Variants in ICA1 observed in about 807,000 individuals in gnomAD.
ICA1 encodes islet cell autoantigen 1.
ICA1 carries 40 observed loss-of-function variants against 71.0 expected under a neutral mutation model. That is an observed-to-expected ratio of 0.56 (90% CI 0.44 to 0.73). The LOEUF is 0.73. ICA1 is among the 30% of genes least tolerant of loss of function. The probability of loss-of-function intolerance (pLI) is 0.00; values close to 1 mark genes in which losing one functional copy is unlikely to be tolerated. For synonymous variants in ICA1, 207 were observed against 209.5 expected (o/e 0.99, Z 0.10); for missense variants, 578 against 576.5 (o/e 1.00, Z -0.03).
At chr7:8,165,405 G>A (rs1359189765) in intron 6 of ICA1, among the ~76,000 whole-genome samples, 1 of 152,132 alleles carries the variant, frequency 6.6e-6, no homozygotes, top group African/African-American at 2.4e-5. Flanking sequence ...TCCCCTCAAC[G>A]ATATCCTTAC....
intron 12 of ICA1, among the ~76,000 whole-genome samples, chr7:8,136,532 C>T (rs149437232): frequency 5.5e-4 from 84 of 152,256 alleles, no homozygotes; most frequent in Middle Eastern, 3.4e-3. Context: ...CTACCGACCA[C>T]GTTAATATTT....
chr7:8,167,169 C>T (rs1284581278), intron 6 of ICA1, among the ~76,000 whole-genome samples: 1 of 152,172 alleles, frequency 6.6e-6, no homozygotes, highest in Non-Finnish European at 1.5e-5. Context: ...AAGACACATG[C>T]ACACATGTGC....
chr7:8,218,478 G>C lies in ICA1; in HGVS notation c.406C>G (p.Arg136Gly). ...QRLALRNPLC[R>G]FHQEVETFRH... ...AAAGTCTCCACTTCTTGGTGAAATC[G>C]ACACAAAGGATTTCGTAAGGCCAAC... is the stretch of plus-strand genomic sequence containing the variant. Residue 136 changes from arginine to glycine, a missense_variant, in exon 6 of 14, where the codon CGA becomes GGA. Physicochemically the swap from Arg to Gly is moderately radical, Grantham distance 125. Coordinates refer to ENST00000402384, the MANE Select transcript of ICA1 (RefSeq NM_001136020.3). 6.2e-7 allele frequency: 1 copy of C among 1,614,012 alleles called. No individual in the cohort carries two copies. The highest frequency in any genetic ancestry group is 8.5e-7 in the Non-Finnish European group (1 of 1,179,964).
intron 12 of ICA1, among the ~76,000 whole-genome samples, chr7:8,136,927 A>G (rs571785185): frequency 2.4e-4 from 37 of 152,368 alleles, no homozygotes; most frequent in African/African-American, 7.7e-4. Flanking sequence ...AAGTTTATAA[A>G]AGTAAGCATC....
intron 1 of ICA1, among the ~76,000 whole-genome samples, chr7:8,250,210 A>T (rs1675436793): frequency 6.6e-6 from 1 of 152,202 alleles, no homozygotes; most frequent in Non-Finnish European, 1.5e-5. Flanking sequence ...ACTTCCTCTT[A>T]TGTCAATAAT....
At chr7:8,219,439 A>G (rs1222599719) in intron 5 of ICA1, among the ~76,000 whole-genome samples, 1 of 152,244 alleles carries the variant, frequency 6.6e-6, no homozygotes, top group Non-Finnish European at 1.5e-5. Flanking sequence ...AAATTCCATC[A>G]ACGTCTGCAA....
At chr7:8,167,214 G>A (rs189662106) in intron 6 of ICA1, among the ~76,000 whole-genome samples, 302 of 152,264 alleles carry the variant, frequency 2.0e-3, no homozygotes, top group Middle Eastern at 3.4e-3. Flanking sequence ...CAAAGATATG[G>A]AATCAACCTA....
intron 4 of ICA1, among the ~76,000 whole-genome samples, chr7:8,221,735 A>G (rs952204393): frequency 6.6e-6 from 1 of 152,194 alleles, no homozygotes; most frequent in African/African-American, 2.4e-5. Flanking sequence ...GTCAAGTATG[A>G]CTGTGGGAAT....
chr7:8,157,489 C>G (rs1349912341), intron 7 of ICA1: 1 of 418,558 alleles, frequency 2.4e-6, no homozygotes, highest in African/African-American at 2.0e-5. Flanking sequence ...ATCCATCCTC[C>G]AAAACCCAGG....
chr7:8,149,424 C>G (rs1798078096), intron 8 of ICA1, among the ~76,000 whole-genome samples: 1 of 152,216 alleles, frequency 6.6e-6, no homozygotes. Context: ...TAAATGGTTT[C>G]AGGAAGCACA....
chr7:8,164,980 G>A (rs1805362109), intron 6 of ICA1, among the ~76,000 whole-genome samples: 1 of 152,176 alleles, frequency 6.6e-6, no homozygotes, highest in Non-Finnish European at 1.5e-5. Flanking sequence ...AGAGAGTTAA[G>A]GTGGGAGGAT....
intron 6 of ICA1, among the ~76,000 whole-genome samples, chr7:8,172,916 G>T (rs1339091890): frequency 2.6e-5 from 4 of 152,076 alleles, no homozygotes; most frequent in African/African-American, 9.7e-5. Context: ...AATATAACTA[G>T]CACACATTTG....
intron 6 of ICA1, among the ~76,000 whole-genome samples, chr7:8,181,268 T>C (rs1477746478): frequency 6.6e-6 from 1 of 152,174 alleles, no homozygotes; most frequent in Admixed American, 6.5e-5. Context: ...GTAATGCTGT[T>C]AACATAAATC....
At chr7:8,115,165 T>C (rs1047819665) in intron 13 of ICA1, among the ~76,000 whole-genome samples, 1 of 152,216 alleles carries the variant, frequency 6.6e-6, no homozygotes, top group Non-Finnish European at 1.5e-5. Flanking sequence ...TTTGTAGATA[T>C]TAATGTATCT....
Position 8,223,090 on chromosome 7 carries a change from C to A in ICA1, c.257-1692G>T, listed in dbSNP as rs1181331027. On this transcript the variant is annotated intron_variant, in intron 4 of 13. Transcript: ENST00000402384. The surrounding 1 kb of genome is among the most constrained non-coding windows in gnomAD (Gnocchi z 4.1). ...TGGTTCTATGTAGCTTTTTAAAATTCCTATAATTATAAGAAGGTTTTTTGT... is the reference window on the plus strand; with the variant it reads ...TGGTTCTATGTAGCTTTTTAAAATTACTATAATTATAAGAAGGTTTTTTGT... Among the ~76,000 whole-genome samples, 1 of 152,022 alleles carries A rather than the reference C, an allele frequency of 6.6e-6. No homozygotes were observed.
intron 6 of ICA1, among the ~76,000 whole-genome samples, chr7:8,178,264 C>T (rs1781188996): frequency 1.3e-5 from 2 of 152,220 alleles, no homozygotes; most frequent in African/African-American, 2.4e-5. Context: ...ATCTTGATTC[C>T]CAAAGTCTGA....
rs202240870 is a variant in ICA1, at chr7:8,223,091, CTATAAT to C, written c.257-1699_257-1694del. 9.3e-3 allele frequency among the ~76,000 whole-genome samples: 1,414 copies of C among 152,242 alleles called. 17 individuals are homozygous for C. Among genetic ancestry groups the C allele is most frequent in the African/African-American group, 0.03 (1,265 of 41,546 alleles). On this transcript the variant is annotated intron_variant, in intron 4 of 13. Coordinates refer to ENST00000402384, the MANE Select transcript of ICA1 (RefSeq NM_001136020.3). This position sits in a 1 kb window ranked among gnomAD's most constrained non-coding sequence, Gnocchi z 4.1. ...GGTTCTATGTAGCTTTTTAAAATTC[CTATAAT>C]TATAAGAAGGTTTTTTGTTTTTTAA...
chr7:8,239,118 C>G (rs1194350001), intron 1 of ICA1, among the ~76,000 whole-genome samples: 3 of 152,298 alleles, frequency 2.0e-5, no homozygotes, highest in African/African-American at 4.8e-5. Context: ...ATCTGAACGC[C>G]TCATGAGAAG....
intron 6 of ICA1, among the ~76,000 whole-genome samples, chr7:8,212,450 G>A (rs182240148): frequency 4.6e-5 from 7 of 151,470 alleles, no homozygotes; most frequent in Non-Finnish European, 1.0e-4. Context: ...TTGTAATTCC[G>A]GCTACTCAGG....
Sources: gnomAD v4.1 joint callset for allele counts (sites outside exome capture counted in the v4.1 genomes callset) on GRCh38, gnomAD v4.1.1 for gene constraint, Gnocchi (gnomAD v3.1) non-coding constraint, MANE v1.5 for transcripts, NCBI Gene and HGNC (gene_info 2026-07-23, HGNC 2026-07-21) for gene names.